The following FGF14 variants were observed in gnomAD, a reference collection of about 807,000 sequenced individuals.
FGF14 encodes fibroblast growth factor 14, also known as fibroblast growth factor homologous factor 4.
In FGF14, 5 loss-of-function variants were observed where a neutral mutation model predicts 25.5. The ratio of observed to expected loss-of-function variants is 0.20; its 90% CI spans 0.10 to 0.41. FGF14 has a LOEUF of 0.41. Among genes scored for constraint, FGF14 ranks in the 10% least tolerant of loss-of-function variants. FGF14 has a pLI of 1.00. For missense variants in FGF14, 222 were observed against 320.1 expected (o/e 0.69, Z 2.34); for synonymous variants, 138 against 118.3 (o/e 1.17, Z -1.08).
chr13:102,061,250 AT>A (rs1335849405), intron 1 of FGF14, among the ~76,000 whole-genome samples: 1 of 152,348 alleles, frequency 6.6e-6, no homozygotes, highest in East Asian at 1.9e-4. Context: ...AACTGAGCTG[AT>A]TAAGACAAAC....
At chr13:101,947,483 T>C (rs9585820) in intron 1 of FGF14, among the ~76,000 whole-genome samples, 3 of 152,126 alleles carry the variant, frequency 2.0e-5, no homozygotes, top group Non-Finnish European at 4.4e-5. Flanking sequence ...GATACATATA[T>C]ACCATGGAAT....
chr13:102,016,028 G>A (rs745502604), intron 1 of FGF14, among the ~76,000 whole-genome samples: 21 of 152,132 alleles, frequency 1.4e-4, no homozygotes, highest in Admixed American at 2.0e-4. Flanking sequence ...TATGAATTTG[G>A]TATAATATCC....
intron 1 of FGF14, among the ~76,000 whole-genome samples, chr13:101,910,012 A>G (rs1188197764): frequency 6.6e-6 from 1 of 151,372 alleles, no homozygotes; most frequent in Non-Finnish European, 1.5e-5. Flanking sequence ...CAAACACCGC[A>G]CGTTCTCACT....
At chr13:101,908,488 G>A (rs2032520852) in intron 1 of FGF14, among the ~76,000 whole-genome samples, 1 of 152,132 alleles carries the variant, frequency 6.6e-6, no homozygotes, top group African/African-American at 2.4e-5. Context: ...GTACTCAATA[G>A]ACACAGAGTG....
chr13:101,853,970 A>T (rs763818122), intron 3 of FGF14, among the ~76,000 whole-genome samples: 14 of 152,238 alleles, frequency 9.2e-5, no homozygotes, highest in Middle Eastern at 3.4e-3. Context: ...TTCAGTCTCA[A>T]ACATCTCTGC....
intron 1 of FGF14, among the ~76,000 whole-genome samples, chr13:102,114,918 T>C (rs1351011229): frequency 6.6e-6 from 1 of 152,172 alleles, no homozygotes. Context: ...ATTGTACCTA[T>C]AGTCAATAAT....
In FGF14 at chr13:102,203,515, C is replaced by A. The variant is rs115902555; in HGVS notation, c.208+197956G>T. On this transcript the variant is annotated intron_variant, in intron 1 of 4. Coordinates refer to the FGF14 transcript ENST00000376131. ...TAATTTTGTACAATGCATCTATGAC[C>A]TCTTTGAAAGTAAATTACATAATTT... Among the ~76,000 whole-genome samples the A allele has an allele frequency of 8.3e-3, 1,269 of 152,212 alleles. 14 individuals carry two copies. Among genetic ancestry groups the A allele is most frequent in the African/African-American group, 0.028 (1,180 of 41,526 alleles).
intron 1 of FGF14, among the ~76,000 whole-genome samples, chr13:102,341,191 G>T (rs1052850413): frequency 1.4e-4 from 22 of 151,972 alleles, no homozygotes; most frequent in Non-Finnish European, 2.4e-4. Context: ...AAGTAGGATG[G>T]GATTTAATCC....
intron 1 of FGF14, among the ~76,000 whole-genome samples, chr13:102,032,574 T>C (rs1490334659): frequency 6.6e-6 from 1 of 152,128 alleles, no homozygotes; most frequent in East Asian, 1.9e-4. Context: ...TTGAGGCACA[T>C]TTTGTTGCAT....
At chr13:101,809,179 AACAT>A (rs1219165449) in intron 3 of FGF14, among the ~76,000 whole-genome samples, 1 of 152,176 alleles carries the variant, frequency 6.6e-6, no homozygotes, top group Non-Finnish European at 1.5e-5. Context: ...GTTTTACAAT[AACAT>A]AATATGTAAA....
intron 3 of FGF14, among the ~76,000 whole-genome samples, chr13:101,856,352 A>G (rs1038515467): frequency 6.6e-6 from 1 of 151,922 alleles, no homozygotes; most frequent in African/African-American, 2.4e-5. Context: ...GGCTACCATT[A>G]AATGGGAGGT....
At chr13:102,206,052 C>A (rs2140902140) in intron 1 of FGF14, among the ~76,000 whole-genome samples, 2 of 117,236 alleles carry the variant, frequency 1.7e-5, no homozygotes, top group African/African-American at 6.0e-5. Context: ...ATTCCAGCTA[C>A]TAGGATTACA....
intron 1 of FGF14, among the ~76,000 whole-genome samples, chr13:102,079,091 T>C (rs1021963809): frequency 7.2e-5 from 11 of 152,192 alleles, no homozygotes; most frequent in African/African-American, 2.4e-4. Context: ...AGCTGAAGTC[T>C]TTGCTGATGG....
intron 1 of FGF14, among the ~76,000 whole-genome samples, chr13:102,087,292 G>A (rs190466068): frequency 6.6e-6 from 1 of 152,120 alleles, no homozygotes; most frequent in Admixed American, 6.6e-5. Context: ...GAAGCATCAG[G>A]GAAGGAAGAA....
chr13:101,916,970 G>A (rs978536598), upstream of FGF14, among the ~76,000 whole-genome samples: 1 of 151,814 alleles, frequency 6.6e-6, no homozygotes, highest in Non-Finnish European at 1.5e-5. Flanking sequence ...ACCGCTCGTC[G>A]CAGGAACCCC....
At chr13:102,250,812 T>C (rs1172292345) in intron 1 of FGF14, among the ~76,000 whole-genome samples, 1 of 152,212 alleles carries the variant, frequency 6.6e-6, no homozygotes, top group Non-Finnish European at 1.5e-5. Context: ...CTCTATCCCG[T>C]AAAACATATT....
intron 1 of FGF14, among the ~76,000 whole-genome samples, chr13:102,392,360 C>T (rs2058452400): frequency 6.6e-6 from 1 of 152,184 alleles, no homozygotes; most frequent in Non-Finnish European, 1.5e-5. Flanking sequence ...TCCATAAAAA[C>T]ATCTGCTATT....
chr13:101,732,385 G>A (rs971499337), intron 3 of FGF14, among the ~76,000 whole-genome samples: 5 of 152,108 alleles, frequency 3.3e-5, no homozygotes, highest in African/African-American at 4.8e-5. Context: ...CTTAAAAAGA[G>A]GAAATAGAGA....
At chr13:101,935,774 C>G (rs546230621) in intron 1 of FGF14, among the ~76,000 whole-genome samples, 35 of 152,278 alleles carry the variant, frequency 2.3e-4, no homozygotes, top group African/African-American at 8.4e-4. Context: ...ATATGCCCCC[C>G]AAAACAAAAC....
Sources: gnomAD v4.1 joint callset for allele counts (sites outside exome capture counted in the v4.1 genomes callset) on GRCh38, gnomAD v4.1.1 for gene constraint, MANE v1.5 for transcripts, NCBI Gene and HGNC (gene_info 2026-07-23, HGNC 2026-07-21) for gene names.